KANK1: variants seen among roughly 807,000 people sequenced by gnomAD.
The protein encoded by KANK1 is KN motif and ankyrin repeat domains 1.
Under a neutral mutation model 106.2 loss-of-function variants are expected in KANK1, and 109 were observed. That is an observed-to-expected ratio of 1.03 (90% confidence interval 0.88 to 1.20). KANK1 has a LOEUF of 1.20. KANK1 is among the 50% of genes most tolerant of loss of function. KANK1 has a pLI of 0.00. For synonymous variants in KANK1, 873 were observed against 652.2 expected, an observed-to-expected ratio of 1.34 and a Z score of -5.16; for missense variants, 2,399 against 1,710.7, an observed-to-expected ratio of 1.40 and a Z score of -7.10.
intron 3 of KANK1, among the ~76,000 whole-genome samples, chr9:474,205 A>G (rs7867795): frequency 0.051 from 7,787 of 152,262 alleles, 268 homozygotes; most frequent in South Asian, 0.11. Flanking sequence ...ACATCACTGT[A>G]GGTCAGCAAT....
intron 1 of KANK1, among the ~76,000 whole-genome samples, chr9:661,348 C>T (rs995478435): frequency 6.6e-6 from 1 of 151,428 alleles, no homozygotes; most frequent in African/African-American, 2.4e-5. Context: ...TTGTTCAGTT[C>T]CCACCTATGA....
intron 1 of KANK1, among the ~76,000 whole-genome samples, chr9:608,025 A>ATTT (rs200257324): frequency 0.037 from 2,919 of 78,130 alleles, 108 homozygotes; most frequent in Admixed American, 0.072. Flanking sequence ...TATTATTATT[A>ATTT]TTATTATTAT....
intron 1 of KANK1, among the ~76,000 whole-genome samples, chr9:629,062 G>A (rs967432228): frequency 1.5e-5 from 2 of 133,978 alleles, no homozygotes; most frequent in Non-Finnish European, 3.1e-5. Flanking sequence ...CTGGGCAACA[G>A]GGCACAACTG....
At chr9:598,854 A>T (rs1588131494) in intron 1 of KANK1, among the ~76,000 whole-genome samples, 1 of 145,798 alleles carries the variant, frequency 6.9e-6, no homozygotes, top group East Asian at 2.0e-4. Context: ...CTGGTCTCGG[A>T]CTCCTGACCT....
intron 1 of KANK1, among the ~76,000 whole-genome samples, chr9:664,817 C>T (rs1175387893): frequency 6.6e-6 from 1 of 152,168 alleles, no homozygotes; most frequent in Non-Finnish European, 1.5e-5. Flanking sequence ...TTTTCTTTCT[C>T]TGCATCCTCA....
chr9:730,079 TG>T lies in KANK1; in HGVS notation c.2732del (p.Gly911AlafsTer8). ...ATTATTTGGGATATACCTGTAAGTG[TG>T]GGGGCCTTCAGTCAGGAAGTCCCTT... Reference protein sequence around the residue: ...GNYLGYTCKCGGLQSGSPLSS... With the variant: ...GNYLGYTCKCXGLQSGSPLSS... On this transcript the variant is annotated frameshift_variant, in exon 4 of 12. Coordinates refer to ENST00000382297, the MANE Select transcript of KANK1 (RefSeq NM_015158.5). LOFTEE classifies it high-confidence loss of function. The T allele has an allele frequency of 6.2e-7, 1 of 1,614,170 alleles. No individual in the cohort carries two copies. Among genetic ancestry groups the T allele is most frequent in the Non-Finnish European group, 8.5e-7 (1 of 1,180,010 alleles).
intron 3 of KANK1, among the ~76,000 whole-genome samples, chr9:486,420 C>T (rs753567171): frequency 2.6e-5 from 4 of 152,138 alleles, no homozygotes; most frequent in South Asian, 2.1e-4. Flanking sequence ...ATGCTGAGTA[C>T]GTACTGTATA....
intron 1 of KANK1, among the ~76,000 whole-genome samples, chr9:634,134 A>G (rs1466270833): frequency 6.6e-6 from 1 of 152,246 alleles, no homozygotes; most frequent in Non-Finnish European, 1.5e-5. Context: ...AAAGAGTTTA[A>G]TGAATGCTAG....
chr9:664,403 A>G (rs1305532698), intron 1 of KANK1, among the ~76,000 whole-genome samples: 1 of 152,130 alleles, frequency 6.6e-6, no homozygotes. Flanking sequence ...ACAGGATTTA[A>G]TTCTTTTTAT....
At chr9:555,703 G>T (rs1563762455) in intron 1 of KANK1, among the ~76,000 whole-genome samples, 1 of 152,162 alleles carries the variant, frequency 6.6e-6, no homozygotes, top group Non-Finnish European at 1.5e-5. Flanking sequence ...CTTTAGATTT[G>T]ATGTGTCCAG....
rs542647158 is a variant in KANK1 at position 673,200 on chromosome 9, CTTTTTTTTTTT to C, written c.-83-3674_-83-3664del. ...GATTCACACCCAGTGACAGTGTCTT[CTTTTTTTTTTT>C]TTTTTTTTTTTTTTTGAGACAGGGT... is the stretch of plus-strand genomic sequence containing the variant. On this transcript the variant is annotated intron_variant, in intron 1 of 11. Transcript: ENST00000382297. Among the ~76,000 whole-genome samples the C allele has an allele frequency of 3.3e-4, 32 of 97,848 alleles. No individual in the cohort carries two copies. The South Asian group carries it at 4.3e-3, about 13-fold the overall frequency. 64.2% of individuals were successfully genotyped at this position (97,848 alleles called of 152,430 possible). A position where few individuals can be genotyped will look rare whatever the true frequency, so the allele number is the denominator to read the frequency against.
chr9:598,568 C>T (rs555773933), intron 1 of KANK1, among the ~76,000 whole-genome samples: 2 of 147,336 alleles, frequency 1.4e-5, no homozygotes, highest in East Asian at 4.0e-4. Flanking sequence ...AAGTCTTTTG[C>T]CTCCTGTGTT....
intron 3 of KANK1, among the ~76,000 whole-genome samples, chr9:498,953 G>T (rs1317302292): frequency 6.6e-6 from 1 of 152,112 alleles, no homozygotes; most frequent in Non-Finnish European, 1.5e-5. Context: ...CGAGGAGGGT[G>T]GATCACGAGG....
intron 1 of KANK1, among the ~76,000 whole-genome samples, chr9:566,472 C>G (rs553804537): frequency 7.0e-4 from 106 of 152,312 alleles, no homozygotes; most frequent in African/African-American, 2.5e-3. Context: ...TATACTTCCA[C>G]CAATACTGTG....
chr9:659,275 T>C (rs1476508202), intron 1 of KANK1, among the ~76,000 whole-genome samples: 2 of 152,202 alleles, frequency 1.3e-5, no homozygotes, highest in Non-Finnish European at 2.9e-5. Flanking sequence ...TCTTGGCTCT[T>C]GGAGCCTTAG....
intron 1 of KANK1, among the ~76,000 whole-genome samples, chr9:556,085 T>G (rs544546832): frequency 6.6e-6 from 1 of 152,276 alleles, no homozygotes; most frequent in East Asian, 1.9e-4. Flanking sequence ...TTCTCTACAG[T>G]CTGTTTTGGC....
At chr9:607,176 A>G (rs1189431615) in intron 1 of KANK1, among the ~76,000 whole-genome samples, 1 of 151,748 alleles carries the variant, frequency 6.6e-6, no homozygotes, top group East Asian at 1.9e-4. Context: ...ACTTTGGCAT[A>G]TCAAAATCCA....
intron 1 of KANK1, among the ~76,000 whole-genome samples, chr9:654,094 A>C (rs939102814): frequency 6.6e-6 from 1 of 152,198 alleles, no homozygotes; most frequent in Non-Finnish European, 1.5e-5. Context: ...TTTGAATAAG[A>C]GCAGATCGTT....
intron 1 of KANK1, among the ~76,000 whole-genome samples, chr9:514,632 T>C (rs1469564815): frequency 6.6e-6 from 1 of 151,696 alleles, no homozygotes; most frequent in African/African-American, 2.4e-5. Flanking sequence ...TATGTGGTTA[T>C]GGGTTCATGC....
Sources: allele counts gnomAD v4.1 joint callset (sites outside exome capture counted in the v4.1 genomes callset), GRCh38; gene constraint gnomAD v4.1.1; transcripts MANE v1.5; gene names NCBI Gene and HGNC (gene_info 2026-07-23, HGNC 2026-07-21).